PAAF1: variants seen among roughly 807,000 people sequenced by gnomAD.
PAAF1 encodes proteasomal ATPase associated factor 1.
A neutral mutation model predicts 52.8 loss-of-function variants in PAAF1; 46 were observed. The observed-to-expected ratio is 0.87, with a 90% CI of 0.69 to 1.11. The LOEUF (loss-of-function observed/expected upper bound fraction) is 1.11. Ranked by LOEUF, PAAF1 falls within the 50% of genes most tolerant of loss-of-function variation. PAAF1 has a pLI of 0.00. For missense variants in PAAF1, 424 were observed against 477.4 expected (o/e 0.89, Z 1.04); for synonymous variants, 178 against 172.8 (o/e 1.03, Z -0.24).
intron 4 of PAAF1, among the ~76,000 whole-genome samples, chr11:73,895,760 A>G (rs1249139160): frequency 1.3e-5 from 2 of 152,218 alleles, no homozygotes; most frequent in East Asian, 1.9e-4. Context: ...TGTGTATAAA[A>G]GATTTGTTAT....
At chr11:73,894,239 C>T (rs1949284151) in intron 4 of PAAF1, among the ~76,000 whole-genome samples, 1 of 152,064 alleles carries the variant, frequency 6.6e-6, no homozygotes, top group South Asian at 2.1e-4. Flanking sequence ...GCACAGTGGC[C>T]CATGCCTGTA....
intron 6 of PAAF1, 50 bp from the exon 7 acceptor site, chr11:73,909,349 T>C: frequency 6.4e-7 from 1 of 1,556,182 alleles, no homozygotes; most frequent in Non-Finnish European, 8.8e-7. Flanking sequence ...TCTGCCCTTG[T>C]AGTTCCTTTA....
chr11:73,904,470 T>A (rs1949705316), intron 6 of PAAF1, among the ~76,000 whole-genome samples: 1 of 152,192 alleles, frequency 6.6e-6, no homozygotes. Flanking sequence ...GGCTTTATTT[T>A]TATTTTTTTT....
rs558536297 is a variant in PAAF1, at chr11:73,930,876, A to G, written c.*3514A>G. On this transcript the variant is annotated 3_prime_UTR_variant, in exon 12 of 12. Transcript: ENST00000310571. Reference sequence around the variant, plus strand: ...GGGGAAATGATGGTCATAGGGTGCAAAGTCTCAGGAGGAATATATTGTGTT... The same window carrying G: ...GGGGAAATGATGGTCATAGGGTGCAGAGTCTCAGGAGGAATATATTGTGTT... 3.3e-5 allele frequency: 5 copies of G among 151,866 alleles called. No homozygotes were observed. In the South Asian group the frequency reaches 6.2e-4, roughly 19 times the overall value. The allele number at this position is 151,866 out of a possible 1,614,324, so 9.4% of individuals were successfully genotyped here.
intron 6 of PAAF1, among the ~76,000 whole-genome samples, chr11:73,900,855 G>T (rs529964126): frequency 1.3e-5 from 2 of 150,686 alleles, no homozygotes; most frequent in Non-Finnish European, 3.0e-5. Flanking sequence ...AGTGGCGGGC[G>T]CCTGTAGTCC....
rs546953576 is a variant in PAAF1, at chr11:73,917,786, G to A, written c.935+1126G>A. On this transcript the variant is annotated intron_variant, in intron 9 of 11. Transcript: ENST00000310571. ...ACTGGGGGGCTGAGGCAGGAGGATC[G>A]CTTGAACCTGGGAAGTGGAGGTTGC... is the stretch of plus-strand genomic sequence containing the variant. Among the ~76,000 whole-genome samples, 10 of 151,902 alleles carry A rather than the reference G, an allele frequency of 6.6e-5. No homozygotes were observed. The South Asian group carries it at 8.3e-4, about 13-fold the overall frequency.
intron 4 of PAAF1, among the ~76,000 whole-genome samples, chr11:73,897,853 C>T (rs1280423780): frequency 4.0e-5 from 6 of 148,362 alleles, no homozygotes; most frequent in Non-Finnish European, 8.9e-5. Flanking sequence ...GAGGTTGTAG[C>T]GAGCCGAGAT....
At chr11:73,878,736 C>T (rs749701222) in intron 1 of PAAF1, 43 bp from the exon 2 acceptor site, 5 of 1,595,134 alleles carry the variant, frequency 3.1e-6, no homozygotes, top group Non-Finnish European at 3.4e-6. Flanking sequence ...GGATCCTATT[C>T]AACTTTGGGT....
intron 1 of PAAF1, chr11:73,877,361 G>A (rs1948770773): frequency 3.5e-6 from 1 of 284,574 alleles, no homozygotes; most frequent in African/African-American, 2.2e-5. Context: ...TGGCCAAGCA[G>A]TCATTTAGCA....
At chr11:73,910,393 G>A (rs1949895062) in intron 7 of PAAF1, among the ~76,000 whole-genome samples, 1 of 152,198 alleles carries the variant, frequency 6.6e-6, no homozygotes, top group African/African-American at 2.4e-5. Flanking sequence ...TAGGGCAAGG[G>A]GTAGGTGTAG....
intron 6 of PAAF1, among the ~76,000 whole-genome samples, chr11:73,908,387 GTA>G (rs1302530426): frequency 5.2e-5 from 6 of 114,702 alleles, no homozygotes; most frequent in South Asian, 2.8e-4. Context: ...ATATATGTGT[GTA>G]TATATATATG....
intron 11 of PAAF1, 81 bp from the exon 12 acceptor site, chr11:73,927,202 AGT>A: frequency 1.0e-6 from 1 of 973,524 alleles, no homozygotes; most frequent in South Asian, 1.3e-5. Flanking sequence ...CCATGGGACT[AGT>A]GTGTGTCAAT....
At chr11:73,915,046 A>C (rs1044482602) in intron 8 of PAAF1, among the ~76,000 whole-genome samples, 7 of 152,110 alleles carry the variant, frequency 4.6e-5, no homozygotes, top group Admixed American at 3.9e-4. Flanking sequence ...AGAATAAAAA[A>C]ATAAAATAAA....
chr11:73,877,663 A>T lies in PAAF1; in HGVS notation c.47+595A>T, dbSNP rs555966288. On this transcript the variant is annotated intron_variant, in intron 1 of 11. Coordinates refer to ENST00000310571, the MANE Select transcript of PAAF1 (RefSeq NM_025155.3). ...CACTTTGGAAAACTGAGATTGGTGG[A>T]TCAGTTGAGGTCAGAAGTTCGAGAC... is the stretch of plus-strand genomic sequence containing the variant. Among the ~76,000 whole-genome samples, 9 of 152,288 alleles carry T rather than the reference A, an allele frequency of 5.9e-5. No individual in the cohort carries two copies. The South Asian group carries it at 1.5e-3, about 25-fold the overall frequency.
chr11:73,882,103 A>G (rs1213019789), intron 2 of PAAF1, among the ~76,000 whole-genome samples: 1 of 149,928 alleles, frequency 6.7e-6, no homozygotes, highest in African/African-American at 2.5e-5. Context: ...CTGGTCTCGA[A>G]CTCCCAACCT....
chr11:73,882,482 T>C (rs947155030), intron 2 of PAAF1, among the ~76,000 whole-genome samples: 1 of 151,976 alleles, frequency 6.6e-6, no homozygotes, highest in African/African-American at 2.4e-5. Flanking sequence ...GTTTCGCTCT[T>C]GTCGCCCAGG....
At chr11:73,893,716 G>A (rs1276298115) in intron 4 of PAAF1, among the ~76,000 whole-genome samples, 8 of 99,170 alleles carry the variant, frequency 8.1e-5, no homozygotes, top group African/African-American at 2.7e-4. Flanking sequence ...CAGCCTGGGA[G>A]ACAAAAGTGA....
intron 9 of PAAF1, among the ~76,000 whole-genome samples, chr11:73,918,065 CT>C (rs1950112599): frequency 1.3e-5 from 2 of 152,068 alleles, no homozygotes; most frequent in Non-Finnish European, 2.9e-5. Flanking sequence ...AACATTGGGT[CT>C]TGTTGAGTAG....
chr11:73,891,879 T>C (rs1354274684), intron 4 of PAAF1, among the ~76,000 whole-genome samples: 1 of 152,242 alleles, frequency 6.6e-6, no homozygotes, highest in Non-Finnish European at 1.5e-5. Context: ...ATTTCAAATA[T>C]ACCACATTGA....
Sources: allele counts gnomAD v4.1 joint callset (sites outside exome capture counted in the v4.1 genomes callset), GRCh38; gene constraint gnomAD v4.1.1; transcripts MANE v1.5; gene names NCBI Gene and HGNC (gene_info 2026-07-23, HGNC 2026-07-21).